CSMD3: variants seen among roughly 807,000 people sequenced by gnomAD.
CSMD3 encodes the protein CUB and Sushi multiple domains 3, also known as CUB and sushi domain-containing protein 3.
In CSMD3, 177 loss-of-function variants were observed where a neutral mutation model predicts 435.2. The observed-to-expected ratio is 0.41, with a 90% CI of 0.36 to 0.46. The LOEUF is 0.46. Ranked by LOEUF, CSMD3 falls within the 20% of genes least tolerant of loss-of-function variation. CSMD3 has a pLI of 0.34. For missense variants in CSMD3, 4,265 were observed against 4,504.6 expected (o/e 0.95, Z 1.52); for synonymous variants, 1,656 against 1,520.5 (o/e 1.09, Z -2.07).
chr8:112,406,558 C>A lies in CSMD3; in HGVS notation c.5775G>T (p.Leu1925Phe), dbSNP rs538253389. ...AIRCETVPNS[L>F]AQWNDSLPTC... ...TAGGTAAGGAATCATTCCACTGGGCCAAAGAATTGGGCACTGTTTCACACC... is the reference window on the plus strand; with the variant it reads ...TAGGTAAGGAATCATTCCACTGGGCAAAAGAATTGGGCACTGTTTCACACC... The change falls in exon 35 of 71, where the codon TTG becomes TTT. Residue 1925 changes from leucine (L) to phenylalanine (F), a missense_variant. This residue lies in a region of CSMD3 where 3,255 missense variants were observed against 3,380.2 expected (regional missense o/e 0.96). Transcript: ENST00000297405. The A allele has an allele frequency of 1.9e-6, 3 of 1,611,582 alleles. No homozygotes were observed. The highest frequency in any genetic ancestry group is 2.2e-5 in the South Asian group (2 of 90,920).
intron 6 of CSMD3, among the ~76,000 whole-genome samples, chr8:113,006,667 T>C (rs1667783995): frequency 6.6e-6 from 1 of 151,876 alleles, no homozygotes; most frequent in Non-Finnish European, 1.5e-5. Flanking sequence ...CTCGGGGCAA[T>C]AATGTGTAAC....
chr8:113,211,396 C>G (rs752370055), intron 3 of CSMD3, among the ~76,000 whole-genome samples: 2 of 152,046 alleles, frequency 1.3e-5, no homozygotes, highest in African/African-American at 4.8e-5. Context: ...AAACAAGGAC[C>G]GTAATACCTA....
intron 10 of CSMD3, among the ~76,000 whole-genome samples, chr8:112,864,177 T>C (rs2080908732): frequency 1.3e-5 from 2 of 152,176 alleles, no homozygotes; most frequent in Non-Finnish European, 2.9e-5. Context: ...GATTCCTATA[T>C]TTTGGTTTTA....
chr8:112,864,214 T>TA (rs1385039674), intron 10 of CSMD3, among the ~76,000 whole-genome samples: 3 of 151,918 alleles, frequency 2.0e-5, no homozygotes, highest in African/African-American at 4.8e-5. Flanking sequence ...TAAAAATGTA[T>TA]AGGTTTCTTT....
intron 32 of CSMD3, among the ~76,000 whole-genome samples, chr8:112,435,607 C>G (rs1021847820): frequency 2.6e-5 from 4 of 151,952 alleles, no homozygotes; most frequent in African/African-American, 9.7e-5. Flanking sequence ...AACTAATGAA[C>G]TTGGGTATGA....
intron 2 of CSMD3, chr8:113,310,429 A>C (rs2093858814): frequency 6.6e-6 from 1 of 151,978 alleles, no homozygotes; most frequent in Admixed American, 6.6e-5. Flanking sequence ...TTTAACAAGC[A>C]ACCAAGAAGC....
At chr8:113,007,771 T>C (rs2086110919) in intron 6 of CSMD3, among the ~76,000 whole-genome samples, 1 of 151,986 alleles carries the variant, frequency 6.6e-6, no homozygotes, top group Non-Finnish European at 1.5e-5. Flanking sequence ...AACTAGAAGA[T>C]ACCTAAGGTT....
chr8:112,861,559 T>C (rs2080827753), intron 10 of CSMD3, among the ~76,000 whole-genome samples: 1 of 151,886 alleles, frequency 6.6e-6, no homozygotes, highest in Non-Finnish European at 1.5e-5. Flanking sequence ...AGATATTCTA[T>C]TTACTTAAAC....
intron 32 of CSMD3, among the ~76,000 whole-genome samples, chr8:112,445,519 C>T (rs1815504535): frequency 6.6e-6 from 1 of 152,032 alleles, no homozygotes; most frequent in Non-Finnish European, 1.5e-5. Context: ...GAAGGTGCCA[C>T]ATTCTTTTAG....
chr8:113,027,772 C>T (rs1181932278), intron 5 of CSMD3, among the ~76,000 whole-genome samples: 1 of 152,078 alleles, frequency 6.6e-6, no homozygotes, highest in Non-Finnish European at 1.5e-5. Flanking sequence ...CTGTAACTCT[C>T]TTCTGATTTC....
chr8:112,816,923 A>G (rs1268953662), intron 12 of CSMD3, among the ~76,000 whole-genome samples: 3 of 151,982 alleles, frequency 2.0e-5, no homozygotes, highest in African/African-American at 7.2e-5. Flanking sequence ...AGCCTAAACT[A>G]ACATATTTCT....
At chr8:113,269,641 T>A (rs1336674351) in intron 3 of CSMD3, among the ~76,000 whole-genome samples, 1 of 151,664 alleles carries the variant, frequency 6.6e-6, no homozygotes, top group Non-Finnish European at 1.5e-5. Context: ...AACAGAGCCC[T>A]CAGAAATAAT....
intron 4 of CSMD3, among the ~76,000 whole-genome samples, chr8:113,140,846 TA>T (rs1235899479): frequency 6.6e-6 from 1 of 150,662 alleles, no homozygotes; most frequent in East Asian, 2.0e-4. Flanking sequence ...CTCAACAACC[TA>T]AAGAAGAGCA....
intron 7 of CSMD3, 114 bp from the exon 8 acceptor site, chr8:112,954,875 A>T: frequency 1.4e-6 from 1 of 698,758 alleles, no homozygotes; most frequent in African/African-American, 1.8e-5. Flanking sequence ...CCACTTTCTT[A>T]AGCCTGATAT....
At position 112,757,766 on chromosome 8, in the gene CSMD3, T is replaced by A. The variant is rs114779447; in HGVS notation, c.1972+42396A>T. 3.5e-3 allele frequency among the ~76,000 whole-genome samples: 540 copies of A among 152,184 alleles called. 7 individuals carry two copies. Among genetic ancestry groups the A allele is most frequent in the African/African-American group, 0.012 (517 of 41,522 alleles). On this transcript the variant is annotated intron_variant, in intron 13 of 70. Transcript: ENST00000297405. ...CCTTTGCATCTAAGGAATTATATAA[T>A]TTTTAGGCCAGGCATGGTGGCTCAC...
At chr8:112,982,387 T>C (rs530576389) in intron 6 of CSMD3, among the ~76,000 whole-genome samples, 11 of 152,034 alleles carry the variant, frequency 7.2e-5, no homozygotes, top group African/African-American at 2.6e-4. Flanking sequence ...AGAGAAAGAA[T>C]AGGATGCCCC....
In CSMD3 at chr8:112,767,592, A is replaced by G. The variant is rs573774935; in HGVS notation, c.1972+32570T>C. Among the ~76,000 whole-genome samples, 33 of 151,630 alleles carry G rather than the reference A, an allele frequency of 2.2e-4. No homozygotes were observed. The East Asian group carries it at 4.7e-3, about 21-fold the overall frequency. On this transcript the variant is annotated intron_variant, in intron 13 of 70. Coordinates refer to ENST00000297405, the MANE Select transcript of CSMD3 (RefSeq NM_198123.2). ...GTAGGATTGTTTGGAGTTTAAATAAATTAATATAAGCAAAGCACTAGACTC... is the reference window on the plus strand; with the variant it reads ...GTAGGATTGTTTGGAGTTTAAATAAGTTAATATAAGCAAAGCACTAGACTC...
At chr8:112,550,219 C>T (rs1827555684) in intron 27 of CSMD3, among the ~76,000 whole-genome samples, 1 of 151,832 alleles carries the variant, frequency 6.6e-6, no homozygotes, top group Admixed American at 6.6e-5. Context: ...AATATTTTGT[C>T]AAAGATGTCT....
intron 10 of CSMD3, among the ~76,000 whole-genome samples, chr8:112,884,795 G>C (rs775060938): frequency 1.1e-4 from 16 of 151,688 alleles, no homozygotes; most frequent in Non-Finnish European, 1.8e-4. Context: ...ATAAACTTCA[G>C]CTTCCATTGC....
Sources: gnomAD v4.1 joint callset for allele counts (sites outside exome capture counted in the v4.1 genomes callset) on GRCh38, gnomAD v4.1.1 for gene constraint, gnomAD v4.1.1 regional missense constraint, MANE v1.5 for transcripts, NCBI Gene and HGNC (gene_info 2026-07-23, HGNC 2026-07-21) for gene names.